Variants in PRPF38A observed in about 807,000 individuals in gnomAD.
PRPF38A encodes pre-mRNA-splicing factor 38A.
In PRPF38A, 11 loss-of-function variants were observed where a neutral mutation model predicts 46.8. That is an observed-to-expected ratio of 0.24 (90% CI 0.15 to 0.39). PRPF38A has a LOEUF of 0.39. Among genes scored for constraint, PRPF38A ranks in the 10% least tolerant of loss-of-function variants. The probability of loss-of-function intolerance (pLI) is 1.00; values close to 1 mark genes in which losing one functional copy is unlikely to be tolerated. For synonymous variants in PRPF38A, 124 were observed against 136.2 expected, an observed-to-expected ratio of 0.91 and a Z score of 0.62; for missense variants, 261 against 407.5, an observed-to-expected ratio of 0.64 and a Z score of 3.10.
chr1:52,411,791 A>G (rs370736593), intron 4 of PRPF38A, among the ~76,000 whole-genome samples: 4 of 152,150 alleles, frequency 2.6e-5, no homozygotes, highest in Admixed American at 2.0e-4. Context: ...CTCCTGTTCC[A>G]TGTTGGCACT....
At chr1:52,409,906 ACCT>A (rs1557592146) in intron 3 of PRPF38A, among the ~76,000 whole-genome samples, 1 of 151,710 alleles carries the variant, frequency 6.6e-6, no homozygotes, top group Admixed American at 6.6e-5. Flanking sequence ...TGGAAGTAAC[ACCT>A]CCTTCTAAGT....
At position 52,417,871 on chromosome 1, in the gene PRPF38A, A is replaced by C. The variant is rs1033906279; in HGVS notation, c.*1181A>C. On this transcript the variant is annotated 3_prime_UTR_variant, in exon 10 of 10. Coordinates refer to ENST00000257181, the MANE Select transcript of PRPF38A (RefSeq NM_032864.4). ...AGAATTAGGAGAGAGTGAGTGAAAG[A>C]AGCCAAGGGTCAAGAATGCAGAAGC... 3 of 152,466 alleles carry C rather than the reference A, an allele frequency of 2.0e-5. No homozygotes were observed. Among genetic ancestry groups the C allele is most frequent in the African/African-American group, 7.2e-5 (3 of 41,462 alleles). 9.4% of individuals were successfully genotyped at this position (152,466 alleles called of 1,614,324 possible).
chr1:52,414,099 T>G, intron 6 of PRPF38A, 108 bp downstream of exon 6: 1 of 678,366 alleles, frequency 1.5e-6, no homozygotes, highest in East Asian at 2.7e-5. Flanking sequence ...GTTTGCCCAA[T>G]ATATTAGTTA....
intron 2 of PRPF38A, 157 bp from the exon 3 acceptor site, chr1:52,408,412 G>A: frequency 2.2e-6 from 2 of 928,114 alleles, no homozygotes. Flanking sequence ...CCATATTTTA[G>A]CTGTCTTTCT....
At chr1:52,410,782 G>A (rs543303281) in intron 3 of PRPF38A, among the ~76,000 whole-genome samples, 2 of 152,158 alleles carry the variant, frequency 1.3e-5, no homozygotes, top group South Asian at 2.1e-4. Context: ...GATTACAGGC[G>A]TGAGCCACCA....
intron 9 of PRPF38A, among the ~76,000 whole-genome samples, chr1:52,415,895 T>C (rs1306948649): frequency 7.7e-6 from 1 of 129,036 alleles, no homozygotes; most frequent in African/African-American, 3.0e-5. Flanking sequence ...CAGGCTGGAG[T>C]GCAGTGGCGC....
intron 4 of PRPF38A, 21 bp downstream of exon 4, chr1:52,411,221 A>G (rs773046990): frequency 1.3e-6 from 2 of 1,536,246 alleles, no homozygotes; most frequent in Admixed American, 3.4e-5. Flanking sequence ...AAAGTCTGTT[A>G]CCAGAGTCAC....
Position 52,420,137 on chromosome 1 carries a change from G to T in PRPF38A, c.*3447G>T, listed in dbSNP as rs936205721. ...TCCAAAGGTTTGAGAAAAAGTGCCA[G>T]GAATTTTATACTTTGCCAAAGTTGT... On this transcript the variant is annotated 3_prime_UTR_variant, in exon 10 of 10. Transcript: ENST00000257181. 2 of 152,214 alleles carry T rather than the reference G, an allele frequency of 1.3e-5. No homozygotes were observed. Among genetic ancestry groups the T allele is most frequent in the African/African-American group, 2.4e-5 (1 of 41,448 alleles). 9.4% of individuals were successfully genotyped at this position (152,214 alleles called of 1,614,324 possible). A position where few individuals can be genotyped will look rare whatever the true frequency, so the allele number is the denominator to read the frequency against.
At chr1:52,415,283 C>CCTT in intron 8 of PRPF38A, 55 bp from the exon 9 acceptor site, 1 of 1,560,206 alleles carries the variant, frequency 6.4e-7, no homozygotes, top group Admixed American at 1.7e-5. Context: ...GTGAGAATGA[C>CCTT]AGTTTAATAA....
intron 8 of PRPF38A, among the ~76,000 whole-genome samples, chr1:52,415,078 C>A (rs1648252270): frequency 6.6e-6 from 1 of 152,142 alleles, no homozygotes; most frequent in African/African-American, 2.4e-5. Context: ...GGAATAAGAT[C>A]TAACATAATA....
intron 3 of PRPF38A, among the ~76,000 whole-genome samples, chr1:52,410,380 G>A (rs1002360792): frequency 6.7e-6 from 1 of 149,974 alleles, no homozygotes; most frequent in Non-Finnish European, 1.5e-5. Flanking sequence ...TATACTAGTA[G>A]TATAATCTTA....
chr1:52,408,130 A>G (rs1648051551), intron 2 of PRPF38A, among the ~76,000 whole-genome samples: 1 of 151,346 alleles, frequency 6.6e-6, no homozygotes, highest in Non-Finnish European at 1.5e-5. Flanking sequence ...AATCCTCGCT[A>G]CATGGAGGCT....
rs1648307117 is a variant in PRPF38A at position 52,416,826 on chromosome 1, T to A, written c.*136T>A. On this transcript the variant is annotated 3_prime_UTR_variant, in exon 10 of 10. Coordinates refer to ENST00000257181, the MANE Select transcript of PRPF38A (RefSeq NM_032864.4). ...CTTATCAAGTTTCTCAACCTTTATT[T>A]TTAATGAAGGAGGTGCTGAGTTTTG... 7.1e-6 allele frequency: 5 copies of A among 704,574 alleles called. No homozygotes were observed. The highest frequency in any genetic ancestry group is 1.0e-5 in the Non-Finnish European group (4 of 396,946). 43.6% of individuals were successfully genotyped at this position (704,574 alleles called of 1,614,324 possible).
At chr1:52,415,438 T>A in intron 9 of PRPF38A, 52 bp downstream of exon 9, 1 of 1,468,838 alleles carries the variant, frequency 6.8e-7, no homozygotes, top group Non-Finnish European at 9.5e-7. Context: ...AAATTACAAC[T>A]AACTGGACCT....
chr1:52,405,986 TTTTG>T, intron 2 of PRPF38A, 147 bp downstream of exon 2: 7 of 677,020 alleles, frequency 1.0e-5, no homozygotes, highest in Non-Finnish European at 1.8e-5. Flanking sequence ...AGTTTGTATT[TTTTG>T]TTTGTTTTTT....
chr1:52,413,868 C>G lies in PRPF38A; in HGVS notation c.610-11C>G. On this transcript the variant is annotated splice_polypyrimidine_tract_variant and intron_variant, in intron 5 of 9. Transcript: ENST00000257181. Reference sequence around the variant, plus strand: ...CTGTGCCTTTCAATGACCCAATCATCTTGTTTCCAGTTGGAAAGAGTGCCA... The same window carrying G: ...CTGTGCCTTTCAATGACCCAATCATGTTGTTTCCAGTTGGAAAGAGTGCCA... 6.3e-7 allele frequency: 1 copy of G among 1,582,970 alleles called. No homozygotes were observed. Among genetic ancestry groups the G allele is most frequent in the Non-Finnish European group, 8.7e-7 (1 of 1,151,794 alleles).
chr1:52,405,418 GA>G (rs1199164399), intron 1 of PRPF38A, among the ~76,000 whole-genome samples: 1 of 152,190 alleles, frequency 6.6e-6, no homozygotes, highest in African/African-American at 2.4e-5. Context: ...TCCTTACCTG[GA>G]AATAAGAACA....
intron 5 of PRPF38A, 52 bp downstream of exon 5, chr1:52,412,676 G>A: frequency 1.6e-6 from 2 of 1,235,650 alleles, no homozygotes; most frequent in Non-Finnish European, 2.3e-6. Context: ...ATAGAAAATG[G>A]GAATGGTTTT....
At chr1:52,411,299 C>T in intron 4 of PRPF38A, 99 bp downstream of exon 4, 1 of 771,994 alleles carries the variant, frequency 1.3e-6, no homozygotes, top group South Asian at 1.6e-5. Context: ...GCCTGTGGAT[C>T]TTATGGGTCC....
Sources: gnomAD v4.1 joint callset for allele counts (sites outside exome capture counted in the v4.1 genomes callset) on GRCh38, gnomAD v4.1.1 for gene constraint, MANE v1.5 for transcripts, NCBI Gene and HGNC (gene_info 2026-07-23, HGNC 2026-07-21) for gene names.